Variants in ARHGAP32 observed in about 807,000 individuals in gnomAD.
ARHGAP32 encodes the protein rho GTPase-activating protein 32.
A neutral mutation model predicts 186.5 loss-of-function variants in ARHGAP32; 51 were observed. The observed-to-expected ratio is 0.27, with a 90% CI of 0.22 to 0.35. The LOEUF (loss-of-function observed/expected upper bound fraction) is 0.35. Ranked by LOEUF, ARHGAP32 falls within the 10% of genes least tolerant of loss-of-function variation. The pLI is 1.00. For synonymous variants in ARHGAP32, 950 were observed against 964.3 expected (o/e 0.99, Z 0.27); for missense variants, 2,186 against 2,623.5 (o/e 0.83, Z 3.64).
At chr11:129,242,952 A>G (rs1945039299) in intron 1 of ARHGAP32, among the ~76,000 whole-genome samples, 1 of 152,100 alleles carries the variant, frequency 6.6e-6, no homozygotes, top group Non-Finnish European at 1.5e-5. Flanking sequence ...TTTTCCCATG[A>G]CAACTTCATC....
At chr11:129,086,617 C>A (rs545501574) in intron 6 of ARHGAP32, among the ~76,000 whole-genome samples, 31 of 151,974 alleles carry the variant, frequency 2.0e-4, no homozygotes, top group Non-Finnish European at 3.1e-4. Context: ...GTCAGGAGAT[C>A]GAGACCATCC....
intron 11 of ARHGAP32, among the ~76,000 whole-genome samples, chr11:129,005,522 T>C (rs1425238608): frequency 6.6e-6 from 1 of 152,236 alleles, no homozygotes; most frequent in Non-Finnish European, 1.5e-5. Flanking sequence ...TCACCAGATA[T>C]ACTACTCTAG....
intron 12 of ARHGAP32, among the ~76,000 whole-genome samples, chr11:128,991,036 T>G (rs763830418): frequency 4.6e-5 from 7 of 151,962 alleles, no homozygotes; most frequent in Non-Finnish European, 8.8e-5. Flanking sequence ...CGAGCACACA[T>G]AAATTTTTCA....
chr11:129,243,870 G>A (rs963237399), intron 1 of ARHGAP32, among the ~76,000 whole-genome samples: 6 of 152,180 alleles, frequency 3.9e-5, no homozygotes, highest in African/African-American at 7.2e-5. Flanking sequence ...TAGAGCTCTC[G>A]TAGCACTGTG....
intron 2 of ARHGAP32, among the ~76,000 whole-genome samples, chr11:129,134,838 G>A (rs1942899993): frequency 6.6e-6 from 1 of 152,114 alleles, no homozygotes; most frequent in African/African-American, 2.4e-5. Flanking sequence ...CACCATGTGA[G>A]AACACATAAA....
chr11:129,051,397 T>C (rs1285262780), intron 10 of ARHGAP32, among the ~76,000 whole-genome samples: 2 of 152,242 alleles, frequency 1.3e-5, no homozygotes, highest in African/African-American at 4.8e-5. Flanking sequence ...TGACCAGTGA[T>C]GATGAGCTTT....
chr11:129,115,222 G>A (rs1942332326), intron 5 of ARHGAP32, among the ~76,000 whole-genome samples: 3 of 152,040 alleles, frequency 2.0e-5, no homozygotes. Context: ...ATTTGACACT[G>A]AAAATACTAC....
At position 128,978,897 on chromosome 11, in the gene ARHGAP32, C is replaced by A; in HGVS notation, c.1995G>T (p.Lys665Asn). 1 of 1,607,178 alleles carries A rather than the reference C, an allele frequency of 6.2e-7. No individual in the cohort carries two copies. The highest frequency in any genetic ancestry group is 1.1e-5 in the South Asian group (1 of 89,962). The change falls in exon 19 of 23, where the codon AAG becomes AAT. Residue 665 changes from lysine (K) to asparagine (N), a missense_variant. Around this residue, in one of 5 missense-constraint regions of ARHGAP32, gnomAD observed 263 missense variants for 323.5 expected, o/e 0.81. Coordinates refer to ENST00000682385, the MANE Select transcript of ARHGAP32 (RefSeq NM_001378024.1). ...AGCTACCCACAGGAGACTTTTTCAT[C>A]TTATTTTGAGGCCTCTTTCTATGAA... ...FPLERKRPQN[K>N]MKKSPVGSWR... is the part of the protein sequence containing the mutation.
chr11:129,160,791 G>T (rs898726175), intron 2 of ARHGAP32, among the ~76,000 whole-genome samples: 1 of 152,024 alleles, frequency 6.6e-6, no homozygotes, highest in Non-Finnish European at 1.5e-5. Flanking sequence ...TTTCTTCACA[G>T]AATTAGAAAA....
chr11:129,086,777 C>A (rs1196821677), intron 6 of ARHGAP32, among the ~76,000 whole-genome samples: 1 of 147,536 alleles, frequency 6.8e-6, no homozygotes, highest in Non-Finnish European at 1.5e-5. Flanking sequence ...GCCGAGATTG[C>A]GCCACTGCAC....
At chr11:129,250,050 C>CA (rs35255123) in intron 1 of ARHGAP32, among the ~76,000 whole-genome samples, 13,913 of 139,514 alleles carry the variant, frequency 0.1, 845 homozygotes, top group South Asian at 0.27. Context: ...CTCATTTCTA[C>CA]AAAAAAAAAA....
chr11:129,029,780 G>T (rs1180424279), intron 11 of ARHGAP32, among the ~76,000 whole-genome samples: 1 of 113,350 alleles, frequency 8.8e-6, no homozygotes, highest in South Asian at 3.3e-4. Flanking sequence ...GCAGCCTGGG[G>T]GACAGAGGGA....
chr11:129,212,894 A>G (rs1944598311), intron 1 of ARHGAP32, among the ~76,000 whole-genome samples: 1 of 151,982 alleles, frequency 6.6e-6, no homozygotes, highest in African/African-American at 2.4e-5. Context: ...ACAAGACAAC[A>G]AAATTTTAAT....
chr11:128,991,697 A>G (rs899468030), intron 12 of ARHGAP32, among the ~76,000 whole-genome samples: 1 of 152,308 alleles, frequency 6.6e-6, no homozygotes, highest in Middle Eastern at 3.4e-3. Context: ...TCATTCCCAC[A>G]TTCTCCACAT....
intron 1 of ARHGAP32, among the ~76,000 whole-genome samples, chr11:129,250,421 T>C (rs1945165606): frequency 6.6e-6 from 1 of 152,208 alleles, no homozygotes; most frequent in African/African-American, 2.4e-5. Flanking sequence ...GCAAAACTTA[T>C]TATCCTGGAA....
At chr11:129,177,118 C>G (rs1438179836) in intron 1 of ARHGAP32, among the ~76,000 whole-genome samples, 1 of 151,642 alleles carries the variant, frequency 6.6e-6, no homozygotes, top group African/African-American at 2.4e-5. Context: ...ACCACCGATC[C>G]CACAGAAATA....
intron 11 of ARHGAP32, among the ~76,000 whole-genome samples, chr11:129,027,922 A>C (rs1231923418): frequency 2.0e-5 from 3 of 152,248 alleles, no homozygotes; most frequent in Non-Finnish European, 4.4e-5. Context: ...ATTCTTGATC[A>C]ATTAATGAAT....
chr11:129,222,935 CTG>C (rs1222520712), intron 1 of ARHGAP32, among the ~76,000 whole-genome samples: 2 of 152,092 alleles, frequency 1.3e-5, no homozygotes, highest in African/African-American at 4.8e-5. Context: ...TAGTGCAGTG[CTG>C]TGTCATACTA....
At chr11:129,137,663 A>AT (rs1252886630) in intron 2 of ARHGAP32, among the ~76,000 whole-genome samples, 2 of 152,074 alleles carry the variant, frequency 1.3e-5, no homozygotes, top group Non-Finnish European at 2.9e-5. Context: ...GGTTTTAATC[A>AT]TAAGAGATAC....
Sources: allele counts gnomAD v4.1 joint callset (sites outside exome capture counted in the v4.1 genomes callset), GRCh38; gene constraint gnomAD v4.1.1; regional missense constraint gnomAD v4.1.1; transcripts MANE v1.5; gene names NCBI Gene and HGNC (gene_info 2026-07-23, HGNC 2026-07-21).